The following PCDH10 variants were observed in gnomAD, a reference collection of about 807,000 sequenced individuals.
PCDH10 encodes protocadherin-10.
A neutral mutation model predicts 74.4 loss-of-function variants in PCDH10; 15 were observed. The observed-to-expected ratio is 0.20, with a 90% CI of 0.13 to 0.31. The LOEUF is 0.31. Among genes scored for constraint, PCDH10 ranks in the 10% least tolerant of loss-of-function variants. The pLI is 1.00. For missense variants in PCDH10, 1,260 were observed against 1,390.2 expected, an observed-to-expected ratio of 0.91 and a Z score of 1.49; for synonymous variants, 619 against 589.8, an observed-to-expected ratio of 1.05 and a Z score of -0.72.
intron 2 of PCDH10, among the ~76,000 whole-genome samples, chr4:133,206,112 T>C (rs1727998445): frequency 6.6e-6 from 1 of 152,154 alleles, no homozygotes; most frequent in African/African-American, 2.4e-5. Context: ...CTGGTCAATA[T>C]GTTTAGACAT....
chr4:133,166,111 C>G (rs1365409839), intron 4 of PCDH10, among the ~76,000 whole-genome samples: 5 of 151,530 alleles, frequency 3.3e-5, no homozygotes, highest in Admixed American at 1.3e-4. Context: ...CTTGCTTTCT[C>G]TTATTTTTCC....
In PCDH10 at chr4:133,152,674, G is replaced by T. The variant is rs1396785105; in HGVS notation, c.2534G>T (p.Ser845Ile). 1.9e-6 allele frequency: 3 copies of T among 1,614,050 alleles called. No individual in the cohort carries two copies. In the South Asian group the frequency reaches 3.3e-5, roughly 18 times the overall value. ...CTTAAGCCCTGCAGCCCTTCGCGGA[G>T]TACGGACACTGAGCACAACCCCTGC... is the stretch of plus-strand genomic sequence containing the variant. Reference protein sequence around the residue: ...MFLKPCSPSRSTDTEHNPCGA... With the variant: ...MFLKPCSPSRITDTEHNPCGA... Residue 845 changes from serine (S) to isoleucine (I), a missense_variant, in exon 1 of 5, where the codon AGT (serine) becomes ATT (isoleucine). This residue lies in a region of PCDH10 where 587 missense variants were observed against 616.9 expected (regional missense o/e 0.95). Coordinates refer to ENST00000264360, the MANE Select transcript of PCDH10 (RefSeq NM_032961.3).
intron 4 of PCDH10, among the ~76,000 whole-genome samples, chr4:133,165,038 A>G (rs566258168): frequency 6.8e-6 from 1 of 147,986 alleles, no homozygotes; most frequent in East Asian, 2.0e-4. Context: ...GCACTAACAC[A>G]TTCCAACATA....
intron 4 of PCDH10, among the ~76,000 whole-genome samples, chr4:133,169,736 G>A (rs1311272746): frequency 6.6e-6 from 1 of 151,818 alleles, no homozygotes; most frequent in African/African-American, 2.4e-5. Flanking sequence ...AAGTTATAAA[G>A]ATATTGTAAA....
chr4:133,152,834 C>A, intron 1 of PCDH10, 63 bp downstream of exon 1: 1 of 1,603,680 alleles, frequency 6.2e-7, no homozygotes, highest in Non-Finnish European at 8.5e-7. Flanking sequence ...TCCTCTAGCC[C>A]GGCCCTTGTA....
intron 4 of PCDH10, among the ~76,000 whole-genome samples, chr4:133,169,167 C>T (rs1727149999): frequency 6.6e-6 from 1 of 151,774 alleles, no homozygotes; most frequent in South Asian, 2.1e-4. Context: ...CTTTTGTCTA[C>T]TAGCAGCTTA....
downstream of PCDH10, among the ~76,000 whole-genome samples, chr4:133,199,287 CAAA>C (rs1247455138): frequency 1.9e-3 from 110 of 56,808 alleles, no homozygotes; most frequent in South Asian, 9.7e-3. Flanking sequence ...AACCCTGTCT[CAAA>C]ATAATAATAA....
At chr4:133,185,195 T>G (rs1727519011) in intron 4 of PCDH10, among the ~76,000 whole-genome samples, 1 of 148,640 alleles carries the variant, frequency 6.7e-6, no homozygotes, top group East Asian at 2.0e-4. Context: ...TAAATATATA[T>G]ATTTAAATTT....
chr4:133,198,893 A>G (rs1278627828), downstream of PCDH10, among the ~76,000 whole-genome samples: 1 of 151,062 alleles, frequency 6.6e-6, no homozygotes, highest in African/African-American at 2.4e-5. Flanking sequence ...ATTTTTTAAC[A>G]CTCTATAGAA....
intron 4 of PCDH10, among the ~76,000 whole-genome samples, chr4:133,180,616 C>CT (rs1727396710): frequency 6.6e-6 from 1 of 151,754 alleles, no homozygotes; most frequent in Non-Finnish European, 1.5e-5. Flanking sequence ...ATTTTCAAAA[C>CT]TTTTTAACCA....
chr4:133,156,076 T>G (rs1726857811), intron 3 of PCDH10, among the ~76,000 whole-genome samples: 1 of 152,206 alleles, frequency 6.6e-6, no homozygotes, highest in Non-Finnish European at 1.5e-5. Flanking sequence ...TACTTAATAA[T>G]ATAACCATAG....
intron 4 of PCDH10, among the ~76,000 whole-genome samples, chr4:133,175,170 C>A (rs1024955780): frequency 6.6e-6 from 1 of 151,766 alleles, no homozygotes; most frequent in Non-Finnish European, 1.5e-5. Context: ...AGTCTGTGTT[C>A]TTTTTTCTAA....
At chr4:133,207,190 A>G (rs1728025479) in intron 2 of PCDH10, among the ~76,000 whole-genome samples, 1 of 152,026 alleles carries the variant, frequency 6.6e-6, no homozygotes, top group African/African-American at 2.4e-5. Flanking sequence ...AATAGCGATT[A>G]TTTATTCAAT....
chr4:133,161,164 CG>C (rs1375552643), intron 3 of PCDH10, among the ~76,000 whole-genome samples: 2 of 152,100 alleles, frequency 1.3e-5, no homozygotes, highest in East Asian at 1.9e-4. Context: ...CTGACGTTTC[CG>C]TTCCTCAACA....
chr4:133,152,063 A>G lies in PCDH10; in HGVS notation c.1923A>G (p.Ala641=). ...MDWRTGELRT[A]RRVPAKRDPQ... The stretch of plus-strand genomic sequence containing the variant: ...GGCGCACCGGGGAGCTGCGCACAGC[A>G]CGCCGAGTCCCGGCCAAGCGCGACC... Residue 641 remains alanine, a synonymous_variant, in exon 1 of 5, where the codon GCA becomes GCG. Coordinates refer to ENST00000264360, the MANE Select transcript of PCDH10 (RefSeq NM_032961.3). 6.2e-7 allele frequency: 1 copy of G among 1,606,936 alleles called. No homozygotes were observed.
At chr4:133,169,510 T>C (rs1727159096) in intron 4 of PCDH10, among the ~76,000 whole-genome samples, 1 of 151,894 alleles carries the variant, frequency 6.6e-6, no homozygotes, top group Non-Finnish European at 1.5e-5. Context: ...ACATTATTTA[T>C]ATACCTCATT....
intron 4 of PCDH10, among the ~76,000 whole-genome samples, chr4:133,185,457 G>A (rs1356478344): frequency 6.6e-6 from 1 of 152,024 alleles, no homozygotes; most frequent in Non-Finnish European, 1.5e-5. Flanking sequence ...TAAGACAGAG[G>A]AAGTTAAAAA....
At chr4:133,160,389 C>A (rs1257949042) in intron 3 of PCDH10, among the ~76,000 whole-genome samples, 1 of 149,670 alleles carries the variant, frequency 6.7e-6, no homozygotes, top group East Asian at 1.9e-4. Flanking sequence ...GAACAAAAAA[C>A]TTTTTCTATA....
rs185082425 is a variant in PCDH10, at chr4:133,191,155, C to T, written c.*995C>T. On this transcript the variant is annotated 3_prime_UTR_variant, in exon 5 of 5. Transcript: ENST00000264360. ...TTTTATAAAGAATCGATAAATTCAC[C>T]TGTATTTGTTGTTAGAAAAAAACTG... 1.1e-3 allele frequency: 163 copies of T among 152,296 alleles called. No individual in the cohort carries two copies. The highest frequency in any genetic ancestry group is 3.8e-3 in the African/African-American group (158 of 41,484). The allele number at this position is 152,296 out of a possible 1,614,324, so 9.4% of individuals were successfully genotyped here. A position where few individuals can be genotyped will look rare whatever the true frequency, so the allele number is the denominator to read the frequency against.
Sources: allele counts gnomAD v4.1 joint callset (sites outside exome capture counted in the v4.1 genomes callset), GRCh38; gene constraint gnomAD v4.1.1; regional missense constraint gnomAD v4.1.1; transcripts MANE v1.5; gene names NCBI Gene and HGNC (gene_info 2026-07-23, HGNC 2026-07-21).